Variants in ZNF107 observed in about 807,000 individuals in gnomAD.
ZNF107 encodes the protein C2H2 type zinc-finger protein.
In ZNF107, 19 loss-of-function variants were observed where a neutral mutation model predicts 12.3. That is an observed-to-expected ratio of 1.55 (90% CI 1.08 to 2.27). The LOEUF is 2.27. ZNF107 is among the 30% of genes most tolerant of loss of function. ZNF107 has a pLI of 0.00. For missense variants in ZNF107, 958 were observed against 979.9 expected (o/e 0.98, Z 0.30); for synonymous variants, 317 against 330.5 (o/e 0.96, Z 0.44).
chr7:64,690,652 A>T (rs1170609675), intron 1 of ZNF107: 2 of 547,868 alleles, frequency 3.7e-6, no homozygotes, highest in Non-Finnish European at 4.6e-6. Flanking sequence ...ACAAAAAAAT[A>T]AACACAGTGA....
At chr7:64,706,159 G>C (rs7780619) in intron 3 of ZNF107, among the ~76,000 whole-genome samples, 165 bp from the exon 4 acceptor site, 150,218 of 152,222 alleles carry the variant, frequency 0.99, 74,132 homozygotes, top group East Asian at 1. Context: ...GTATTTTGGT[G>C]TTTATGTTTT....
At chr7:64,700,900 C>T (rs1485129696) in intron 3 of ZNF107, among the ~76,000 whole-genome samples, 1 of 152,070 alleles carries the variant, frequency 6.6e-6, no homozygotes, top group Admixed American at 6.6e-5. Flanking sequence ...AAAATTAATA[C>T]AGTCTATAAT....
chr7:64,696,478 G>A (rs1325473704), intron 3 of ZNF107, among the ~76,000 whole-genome samples: 1 of 152,160 alleles, frequency 6.6e-6, no homozygotes, highest in Non-Finnish European at 1.5e-5. Flanking sequence ...TTGTGCCACT[G>A]CACTCCAGCT....
chr7:64,666,252 T>C lies in ZNF107; in HGVS notation c.-31T>C. 1 of 1,608,020 alleles carries C rather than the reference T, an allele frequency of 6.2e-7. No homozygotes were observed. The highest frequency in any genetic ancestry group is 8.5e-7 in the Non-Finnish European group (1 of 1,176,606). On this transcript the variant is annotated 5_prime_UTR_variant, in exon 1 of 4. Transcript: ENST00000620827. ...CTGCAGATATTGGGAGATCCACAGCTAAGACGCCGGGACTCCCTGGAAACC... is the reference window on the plus strand; with the variant it reads ...CTGCAGATATTGGGAGATCCACAGCCAAGACGCCGGGACTCCCTGGAAACC...
intron 3 of ZNF107, among the ~76,000 whole-genome samples, chr7:64,698,630 A>T (rs1200315494): frequency 6.6e-6 from 1 of 152,118 alleles, no homozygotes; most frequent in Admixed American, 6.6e-5. Context: ...CATGTTGCCC[A>T]GGCTGGTCTT....
intron 1 of ZNF107, among the ~76,000 whole-genome samples, chr7:64,674,675 T>C (rs1789355669): frequency 6.6e-6 from 1 of 152,220 alleles, no homozygotes; most frequent in African/African-American, 2.4e-5. Context: ...CCTAGTCTTG[T>C]GCCAGTTTTC....
At position 64,708,221 on chromosome 7, in the gene ZNF107, A is replaced by G; in HGVS notation, c.2124A>G (p.Ala708=). The G allele has an allele frequency of 3.7e-6, 6 of 1,613,516 alleles. No homozygotes were observed. Among genetic ancestry groups the G allele is most frequent in the Non-Finnish European group, 5.1e-6 (6 of 1,179,754 alleles). The part of the protein sequence containing the change: ...IHTGEKPYQC[A]ECGKAFNCSS... ...CGGGAGAGAAACCTTACCAATGTGC[A>G]GAATGTGGCAAAGCCTTTAACTGCT... is the stretch of plus-strand genomic sequence containing the variant. The change falls in exon 4 of 4, where the codon GCA becomes GCG. Residue 708 remains alanine, a synonymous_variant. Coordinates refer to ENST00000620827, the MANE Select transcript of ZNF107 (RefSeq NM_001282359.2).
chr7:64,701,694 G>A (rs1288495293), intron 3 of ZNF107, among the ~76,000 whole-genome samples: 6 of 151,722 alleles, frequency 4.0e-5, no homozygotes, highest in South Asian at 4.1e-4. Flanking sequence ...ATCACAACTC[G>A]CTGCAGCCTT....
intron 1 of ZNF107, among the ~76,000 whole-genome samples, chr7:64,675,262 G>A (rs748182728): frequency 6.6e-6 from 1 of 152,072 alleles, no homozygotes; most frequent in African/African-American, 2.4e-5. Flanking sequence ...CTATTTATTA[G>A]TAATTTAGTT....
intron 1 of ZNF107, among the ~76,000 whole-genome samples, chr7:64,669,587 A>T (rs1464502288): frequency 6.6e-6 from 1 of 152,028 alleles, no homozygotes; most frequent in Non-Finnish European, 1.5e-5. Context: ...TGAGGTCAAG[A>T]GTTCAAGACC....
chr7:64,686,622 A>C, intron 1 of ZNF107: 8 of 985,408 alleles, frequency 8.1e-6, no homozygotes, highest in Non-Finnish European at 9.6e-6. Flanking sequence ...GTGGGCCATT[A>C]AGAACTCTGT....
rs1356117439 is a variant in ZNF107 at position 64,707,914 on chromosome 7, C to T, written c.1817C>T (p.Ser606Leu). The change falls in exon 4 of 4, where the codon TCA becomes TTA. Residue 606 changes from serine to leucine, a missense_variant. Coordinates refer to ENST00000620827, the MANE Select transcript of ZNF107 (RefSeq NM_001282359.2). ...EEFGKAFKQSSHRTIHKIIHT... is the reference protein window; with the variant it reads ...EEFGKAFKQSLHRTIHKIIHT... ...TTTGGCAAGGCCTTTAAACAGTCCT[C>T]ACACCGTACTATACATAAAATTATT... 1.2e-6 allele frequency: 2 copies of T among 1,613,568 alleles called. No homozygotes were observed. The highest frequency in any genetic ancestry group is 1.7e-6 in the Non-Finnish European group (2 of 1,179,774).
At position 64,679,993 on chromosome 7, in the gene ZNF107, T is replaced by G. The variant is rs539378294; in HGVS notation, c.4-11255T>G. On this transcript the variant is annotated intron_variant, in intron 1 of 3. Transcript: ENST00000620827. Reference sequence around the variant, plus strand: ...GCGAGTCCTTCTTGTCCACAGACCCTTCCGATATTTCTCCTCCCTGCCCGT... The same window carrying G: ...GCGAGTCCTTCTTGTCCACAGACCCGTCCGATATTTCTCCTCCCTGCCCGT... 3.9e-5 allele frequency among the ~76,000 whole-genome samples: 6 copies of G among 152,212 alleles called. No homozygotes were observed. The South Asian group carries it at 1.2e-3, about 32-fold the overall frequency.
rs765497580 is a variant in ZNF107 at position 64,708,004 on chromosome 7, T to G, written c.1907T>G (p.Leu636Arg). ...HGKVFNQSSN[L>R]TTQKIIHTGE... is the part of the protein sequence containing the mutation. ...AAAGTTTTTAACCAGTCCTCAAACC[T>G]TACTACACAAAAGATAATTCATACT... Residue 636 changes from leucine to arginine, a missense_variant, in exon 4 of 4, where the codon CTT (leucine) becomes CGT (arginine). Physicochemically the swap from Leu to Arg is moderately radical, Grantham distance 102. Transcript: ENST00000620827. 34 of 1,613,058 alleles carry G rather than the reference T, an allele frequency of 2.1e-5. No individual in the cohort carries two copies. The highest frequency in any genetic ancestry group is 2.8e-5 in the Non-Finnish European group (33 of 1,179,670).
chr7:64,681,050 C>T lies in ZNF107; in HGVS notation c.4-10198C>T, dbSNP rs1789648300. Among the ~76,000 whole-genome samples the T allele has an allele frequency of 2.6e-5, 4 of 152,164 alleles. 1 individual carries two copies. The highest frequency in any genetic ancestry group is 9.7e-5 in the African/African-American group (4 of 41,442). ...GTTTGTGCAGGCCCTCACTGGAAGT[C>T]AGACTGTCCAACTCAAGCTGCCATC... On this transcript the variant is annotated intron_variant, in intron 1 of 3. Coordinates refer to ENST00000620827, the MANE Select transcript of ZNF107 (RefSeq NM_001282359.2).
chr7:64,676,724 C>G (rs572759494), intron 1 of ZNF107, among the ~76,000 whole-genome samples: 1 of 152,140 alleles, frequency 6.6e-6, no homozygotes, highest in Non-Finnish European at 1.5e-5. Flanking sequence ...TCCTAGTGAG[C>G]TGCAGATCTT....
chr7:64,673,827 A>T (rs907130778), intron 1 of ZNF107, among the ~76,000 whole-genome samples: 1 of 152,212 alleles, frequency 6.6e-6, no homozygotes, highest in Non-Finnish European at 1.5e-5. Context: ...TTAAATACGG[A>T]ATTCTTCCCG....
chr7:64,680,067 A>G (rs1789595669), intron 1 of ZNF107, among the ~76,000 whole-genome samples: 1 of 151,594 alleles, frequency 6.6e-6, no homozygotes, highest in South Asian at 2.1e-4. Flanking sequence ...CCTTCTACCC[A>G]TACCATGCCT....
At chr7:64,686,706 A>G (rs1051050079) in intron 1 of ZNF107, 2 of 936,636 alleles carry the variant, frequency 2.1e-6, no homozygotes, top group African/African-American at 1.8e-5. Context: ...AAGAAGAACA[A>G]CGGGTTTCTG....
Sources: gnomAD v4.1 joint callset for allele counts (sites outside exome capture counted in the v4.1 genomes callset) on GRCh38, gnomAD v4.1.1 for gene constraint, MANE v1.5 for transcripts, NCBI Gene and HGNC (gene_info 2026-07-23, HGNC 2026-07-21) for gene names.